Variants in POLD3 observed in about 807,000 individuals in gnomAD.
POLD3 encodes DNA polymerase delta 3, accessory subunit, also known as DNA polymerase delta subunit 3.
Under a neutral mutation model 58.2 loss-of-function variants are expected in POLD3, and 19 were observed. The observed-to-expected ratio is 0.33, with a 90% CI of 0.23 to 0.48. The LOEUF (loss-of-function observed/expected upper bound fraction) is 0.48. Ranked by LOEUF, POLD3 falls within the 20% of genes least tolerant of loss-of-function variation. The probability of loss-of-function intolerance (pLI) is 0.99; values close to 1 mark genes in which losing one functional copy is unlikely to be tolerated. For missense variants in POLD3, 504 were observed against 545.5 expected (o/e 0.92, Z 0.76); for synonymous variants, 172 against 193.5 (o/e 0.89, Z 0.92).
intron 4 of POLD3, among the ~76,000 whole-genome samples, chr11:74,663,244 A>C (rs894303695): frequency 2.0e-5 from 3 of 152,210 alleles, no homozygotes; most frequent in Admixed American, 6.5e-5. Context: ...AAATTAATGG[A>C]GTAATATACC....
At chr11:74,621,774 C>G (rs537484256) in intron 7 of POLD3, among the ~76,000 whole-genome samples, 72 of 152,110 alleles carry the variant, frequency 4.7e-4, no homozygotes, top group African/African-American at 1.6e-3. Context: ...CCCAGCTACT[C>G]GGGAGACCGA....
chr11:74,654,584 G>A lies in POLD3; in HGVS notation c.370-14193G>A, dbSNP rs142587261. Among the ~76,000 whole-genome samples, 26 of 152,236 alleles carry A rather than the reference G, an allele frequency of 1.7e-4. No individual in the cohort carries two copies. The East Asian group carries it at 3.5e-3, about 20-fold the overall frequency. ...ACAACAAATTGAGAAGCATTTATTC[G>A]TGAAAAACTACTGACCCTCAAGTAA... On this transcript the variant is annotated intron_variant, in intron 4 of 4. Transcript: ENST00000524752.
At chr11:74,597,704 T>G (rs2031327170) in intron 2 of POLD3, among the ~76,000 whole-genome samples, 1 of 152,200 alleles carries the variant, frequency 6.6e-6, no homozygotes, top group South Asian at 2.1e-4. Context: ...GAAGCCATCC[T>G]CCTGCCTTGT....
chr11:74,606,629 A>G (rs1284311172), intron 3 of POLD3, among the ~76,000 whole-genome samples: 3 of 152,272 alleles, frequency 2.0e-5, no homozygotes, highest in South Asian at 4.1e-4. Flanking sequence ...TTTTTACTCA[A>G]ACTGACCCAT....
At chr11:74,625,987 A>C (rs941183664) in intron 8 of POLD3, among the ~76,000 whole-genome samples, 1 of 151,274 alleles carries the variant, frequency 6.6e-6, no homozygotes, top group Non-Finnish European at 1.5e-5. Flanking sequence ...TTTTTATATC[A>C]ATGAGTTTAT....
At chr11:74,633,720 C>T (rs895184459) in intron 9 of POLD3, among the ~76,000 whole-genome samples, 5 of 152,184 alleles carry the variant, frequency 3.3e-5, no homozygotes, top group Non-Finnish European at 7.3e-5. Flanking sequence ...TGGGATCCCT[C>T]TGGTGGTGCT....
chr11:74,631,506 G>A (rs1363315012), intron 9 of POLD3, among the ~76,000 whole-genome samples: 3 of 133,820 alleles, frequency 2.2e-5, no homozygotes, highest in Non-Finnish European at 3.1e-5. Flanking sequence ...TTGAGACGGA[G>A]TCTTGCTCTG....
chr11:74,633,931 T>G (rs1465580574), intron 9 of POLD3, among the ~76,000 whole-genome samples: 2 of 152,232 alleles, frequency 1.3e-5, no homozygotes, highest in Non-Finnish European at 2.9e-5. Flanking sequence ...AAGTTTATAC[T>G]GTTAACATCA....
intron 7 of POLD3, among the ~76,000 whole-genome samples, chr11:74,622,653 G>A (rs889260101): frequency 4.6e-5 from 7 of 152,166 alleles, no homozygotes; most frequent in African/African-American, 1.7e-4. Flanking sequence ...AGTTCACTGT[G>A]GGGACTTGAA....
downstream of POLD3, among the ~76,000 whole-genome samples, chr11:74,645,949 T>G (rs1339107972): frequency 5.9e-5 from 9 of 152,060 alleles, no homozygotes; most frequent in Admixed American, 3.3e-4. Context: ...TGTTTTTTTT[T>G]TTTTTTTAAG....
rs966061539 is a variant in POLD3 at position 74,666,982 on chromosome 11, A to G, written c.370-1795A>G. On this transcript the variant is annotated intron_variant, in intron 4 of 4. Coordinates refer to the POLD3 transcript ENST00000524752. ...GCTAAAAAAAAAAAAAAAAAAATCA[A>G]TGGGACACCTGGAGCATCAATGGGG... Among the ~76,000 whole-genome samples the G allele has an allele frequency of 6.0e-5, 9 of 150,612 alleles. 1 individual carries two copies. The highest frequency in any genetic ancestry group is 1.0e-4 in the Non-Finnish European group (7 of 67,652).
chr11:74,597,048 G>T (rs2031286843), intron 2 of POLD3, among the ~76,000 whole-genome samples: 1 of 152,200 alleles, frequency 6.6e-6, no homozygotes, highest in Non-Finnish European at 1.5e-5. Context: ...AAATAGTGCT[G>T]CAATAAACAT....
chr11:74,619,914 A>C, intron 6 of POLD3, 103 bp from the exon 7 acceptor site: 2 of 851,450 alleles, frequency 2.3e-6, no homozygotes. Context: ...TATAGAGACT[A>C]TACCATCGCA....
At position 74,640,701 on chromosome 11, in the gene POLD3, G is replaced by T. The variant is rs772860449; in HGVS notation, c.1336G>T (p.Gly446Trp). 6.2e-7 allele frequency: 1 copy of T among 1,612,874 alleles called. No individual in the cohort carries two copies. The highest frequency in any genetic ancestry group is 1.1e-5 in the South Asian group (1 of 90,792). Residue 446 changes from glycine (G) to tryptophan (W), a missense_variant, in exon 12 of 12, where the codon GGG (glycine) becomes TGG (tryptophan). By Grantham distance (184) the Gly-to-Trp change is radical (BLOSUM62 -2). Around this residue, in one of 2 missense-constraint regions of POLD3, gnomAD observed 385 missense variants for 370.5 expected, o/e 1.04. Coordinates refer to ENST00000263681, the MANE Select transcript of POLD3 (RefSeq NM_006591.3). ...PREERKGPKK[G>W]TAALGKANRQ... ...AGAGGAACGAAAGGGCCCCAAGAAA[G>T]GGACTGCTGCTCTGGGCAAAGCCAA... is the stretch of plus-strand genomic sequence containing the variant.
rs1044077369 is a variant in POLD3, at chr11:74,640,295, G to A, written c.1199-269G>A. On this transcript the variant is annotated intron_variant, in intron 11 of 11. Transcript: ENST00000263681. Reference sequence around the variant, plus strand: ...AGGATTTAGGCAATTCACTGATAAAGGGCCATTTAAAGGCATGGGATATAG... The same window carrying A: ...AGGATTTAGGCAATTCACTGATAAAAGGCCATTTAAAGGCATGGGATATAG... Among the ~76,000 whole-genome samples, 14 of 152,198 alleles carry A rather than the reference G, an allele frequency of 9.2e-5. No individual in the cohort carries two copies. In the East Asian group the frequency reaches 2.7e-3, roughly 29 times the overall value.
intron 3 of POLD3, among the ~76,000 whole-genome samples, chr11:74,610,249 T>C (rs1189361264): frequency 6.6e-6 from 1 of 151,806 alleles, no homozygotes; most frequent in Non-Finnish European, 1.5e-5. Context: ...TCTTACTCTG[T>C]CACCAGGCTG....
chr11:74,653,333 A>ACACACACACACACACACACACG lies in POLD3; in HGVS notation c.370-15444_370-15443insCACACACACACACACACACACG, dbSNP rs58331480. Among the ~76,000 whole-genome samples the ACACACACACACACACACACACG allele has an allele frequency of 6.4e-3, 966 of 151,810 alleles. 2 individuals carry two copies. The highest frequency in any genetic ancestry group is 0.031 in the Middle Eastern group (9 of 294). ...ATACCTAAGAGAGATACACACACAC[A>ACACACACACACACACACACACG]TAGTGTGGTCCATAACATAAGTAGA... On this transcript the variant is annotated intron_variant, in intron 4 of 4. Transcript: ENST00000524752.
chr11:74,632,425 G>T (rs2032619514), intron 9 of POLD3, among the ~76,000 whole-genome samples: 1 of 152,196 alleles, frequency 6.6e-6, no homozygotes, highest in Non-Finnish European at 1.5e-5. Flanking sequence ...TTATGTCTGT[G>T]TCAGTAAAAA....
At chr11:74,594,966 G>T (rs897248046) in intron 2 of POLD3, among the ~76,000 whole-genome samples, 2 of 152,158 alleles carry the variant, frequency 1.3e-5, no homozygotes, top group Non-Finnish European at 2.9e-5. Flanking sequence ...TTGAGATTTG[G>T]GTGGGGACAC....
Sources: gnomAD v4.1 joint callset for allele counts (sites outside exome capture counted in the v4.1 genomes callset) on GRCh38, gnomAD v4.1.1 for gene constraint, gnomAD v4.1.1 regional missense constraint, MANE v1.5 for transcripts, NCBI Gene and HGNC (gene_info 2026-07-23, HGNC 2026-07-21) for gene names.